Variants in TENM3 observed in about 807,000 individuals in gnomAD.
TENM3 encodes teneurin-3.
A neutral mutation model predicts 255.1 loss-of-function variants in TENM3; 63 were observed. The observed-to-expected ratio is 0.25, with a 90% CI of 0.20 to 0.30. The LOEUF (loss-of-function observed/expected upper bound fraction) is 0.30, where lower values mean the gene tolerates loss of function less well. Among genes scored for constraint, TENM3 ranks in the 10% least tolerant of loss-of-function variants. TENM3 has a pLI of 1.00. For missense variants in TENM3, 2,929 were observed against 3,461.1 expected, an observed-to-expected ratio of 0.85 and a Z score of 3.86; for synonymous variants, 1,306 against 1,322.3, an observed-to-expected ratio of 0.99 and a Z score of 0.27.
At chr4:182,674,596 G>C (rs1755504955) in intron 7 of TENM3, among the ~76,000 whole-genome samples, 1 of 151,986 alleles carries the variant, frequency 6.6e-6, no homozygotes. Flanking sequence ...TTTTGTTTGA[G>C]ACAGGGTCTC....
At chr4:182,454,608 A>T (rs765837518) in intron 3 of TENM3, among the ~76,000 whole-genome samples, 10 of 152,216 alleles carry the variant, frequency 6.6e-5, no homozygotes, top group Non-Finnish European at 1.0e-4. Flanking sequence ...GTTTACTTGA[A>T]AGTTATTCAA....
chr4:182,144,690 C>G (rs1233445240), exon 1 of TENM3: 2 of 146,108 alleles, frequency 1.4e-5, no homozygotes, highest in African/African-American at 4.9e-5. Context: ...GGTGTGCGCG[C>G]GGCTCGGGCG....
the TENM3 span, among the ~76,000 whole-genome samples, chr4:181,812,624 T>C: frequency 4.5e-3 from 687 of 152,288 alleles, 6 homozygotes; most frequent in African/African-American, 0.015. Flanking sequence ...CTACGTCCAG[T>C]AAATGCTGCG....
At chr4:181,648,798 G>A in the TENM3 span, among the ~76,000 whole-genome samples, 1 of 152,108 alleles carries the variant, frequency 6.6e-6, no homozygotes, top group African/African-American at 2.4e-5. Context: ...TGTGTTACCA[G>A]CAAAGATGCC....
the TENM3 span, among the ~76,000 whole-genome samples, chr4:181,935,767 CCCT>C: frequency 6.6e-6 from 1 of 152,184 alleles, no homozygotes; most frequent in Non-Finnish European, 1.5e-5. Context: ...CTCAGGGTTT[CCCT>C]CCTCTGCACC....
At chr4:182,379,265 G>A (rs957731359) in intron 3 of TENM3, among the ~76,000 whole-genome samples, 1 of 148,710 alleles carries the variant, frequency 6.7e-6, no homozygotes, top group South Asian at 2.2e-4. Flanking sequence ...GCTGAGGCAG[G>A]AGAATCACTT....
chr4:181,805,805 C>A, the TENM3 span, among the ~76,000 whole-genome samples: 1 of 152,044 alleles, frequency 6.6e-6, no homozygotes, highest in Non-Finnish European at 1.5e-5. Flanking sequence ...CTTTTTCTCA[C>A]CTTATTTCCT....
intron 3 of TENM3, among the ~76,000 whole-genome samples, chr4:182,436,255 C>T (rs907058970): frequency 6.6e-6 from 1 of 152,098 alleles, no homozygotes; most frequent in Non-Finnish European, 1.5e-5. Flanking sequence ...TTCCCTTATC[C>T]AAACGGACCG....
At chr4:182,602,720 AT>A (rs201789657) in intron 4 of TENM3, among the ~76,000 whole-genome samples, 3 of 151,842 alleles carry the variant, frequency 2.0e-5, no homozygotes, top group African/African-American at 2.4e-5. Flanking sequence ...ATGTATACGG[AT>A]TTTTTTTTCC....
the TENM3 span, among the ~76,000 whole-genome samples, chr4:181,764,116 G>A: frequency 1.2e-4 from 19 of 152,246 alleles, 1 homozygote; most frequent in South Asian, 3.9e-3. Flanking sequence ...CTAAAAGAAA[G>A]ATTTTTCAAG....
At chr4:181,782,761 G>T in the TENM3 span, among the ~76,000 whole-genome samples, 1 of 152,178 alleles carries the variant, frequency 6.6e-6, no homozygotes, top group African/African-American at 2.4e-5. Flanking sequence ...GGTGTTTAGT[G>T]CTATAAATTT....
At chr4:182,157,874 C>T (rs892160011) in intron 1 of TENM3, among the ~76,000 whole-genome samples, 12 of 152,198 alleles carry the variant, frequency 7.9e-5, no homozygotes, top group African/African-American at 2.7e-4. Flanking sequence ...TAGCACAGAT[C>T]AATGAATTTG....
At chr4:181,458,498 CAA>C in the TENM3 span, among the ~76,000 whole-genome samples, 1 of 151,840 alleles carries the variant, frequency 6.6e-6, no homozygotes, top group Non-Finnish European at 1.5e-5. Context: ...TTTGAAAAAA[CAA>C]GAGATGCGTG....
At chr4:182,327,026 G>A (rs1183162347) in intron 2 of TENM3, among the ~76,000 whole-genome samples, 2 of 152,150 alleles carry the variant, frequency 1.3e-5, no homozygotes, top group East Asian at 3.8e-4. Flanking sequence ...ATTTGTAGCG[G>A]GAGTGGTAGG....
At chr4:182,416,964 A>G (rs1657907101) in intron 3 of TENM3, among the ~76,000 whole-genome samples, 1 of 151,582 alleles carries the variant, frequency 6.6e-6, no homozygotes, top group Non-Finnish European at 1.5e-5. Flanking sequence ...GTCAATTTAC[A>G]TTTTCTTTGT....
the TENM3 span, among the ~76,000 whole-genome samples, chr4:181,888,495 T>C: frequency 0.52 from 23,064 of 43,990 alleles, 3,120 homozygotes; most frequent in Non-Finnish European, 0.56. Context: ...TAGAAATGTG[T>C]ATATATATAT....
chr4:181,605,568 A>AAGAAAGAAAGAG, the TENM3 span, among the ~76,000 whole-genome samples: 1 of 42,200 alleles, frequency 2.4e-5, no homozygotes, highest in Admixed American at 3.0e-4. Flanking sequence ...GAAAGAAAGA[A>AAGAAAGAAAGAG]AGAGAGAGAA....
At chr4:182,582,220 G>T (rs1439592318) in intron 3 of TENM3, among the ~76,000 whole-genome samples, 1 of 152,126 alleles carries the variant, frequency 6.6e-6, no homozygotes, top group Non-Finnish European at 1.5e-5. Context: ...CTACGGTACT[G>T]CCTTAATACG....
chr4:182,389,034 A>G (rs560863608), intron 3 of TENM3, among the ~76,000 whole-genome samples: 17 of 152,178 alleles, frequency 1.1e-4, no homozygotes, highest in Non-Finnish European at 1.9e-4. Flanking sequence ...CAACATCCCT[A>G]TAGAAATGTC....
Sources: gnomAD v4.1 joint callset for allele counts (sites outside exome capture counted in the v4.1 genomes callset) on GRCh38, gnomAD v4.1.1 for gene constraint, MANE v1.5 for transcripts, NCBI Gene and HGNC (gene_info 2026-07-23, HGNC 2026-07-21) for gene names.